EXTL3: variants seen among roughly 807,000 people sequenced by gnomAD.
EXTL3 encodes exostosin-like 3.
In EXTL3, 27 loss-of-function variants were observed where a neutral mutation model predicts 69.3. That is an observed-to-expected ratio of 0.39 (90% CI 0.29 to 0.54). EXTL3 has a LOEUF of 0.54. EXTL3 is among the 20% of genes least tolerant of loss of function. The probability of loss-of-function intolerance (pLI) is 0.69; values close to 1 mark genes in which losing one functional copy is unlikely to be tolerated. For missense variants in EXTL3, 1,003 were observed against 1,231.8 expected (o/e 0.81, Z 2.78); for synonymous variants, 511 against 499.4 (o/e 1.02, Z -0.31).
chr8:28,702,796 T>C (rs1259529200), intron 1 of EXTL3, among the ~76,000 whole-genome samples: 1 of 152,192 alleles, frequency 6.6e-6, no homozygotes, highest in Non-Finnish European at 1.5e-5. Flanking sequence ...GCTTCATTTT[T>C]ACTGGCAGAG....
chr8:28,689,385 T>A (rs1455445368), intron 1 of EXTL3, among the ~76,000 whole-genome samples: 1 of 152,192 alleles, frequency 6.6e-6, no homozygotes, highest in Non-Finnish European at 1.5e-5. Flanking sequence ...CCCCATCTCT[T>A]CTTATCCACC....
intron 3 of EXTL3, among the ~76,000 whole-genome samples, chr8:28,728,559 G>C (rs1801462194): frequency 6.6e-6 from 1 of 152,182 alleles, no homozygotes; most frequent in African/African-American, 2.4e-5. Context: ...AGTTGGGCAG[G>C]ACCTCCTCTG....
rs1225235103 is a variant in EXTL3, at chr8:28,623,214, C to A, written c.-53+404C>A. Among the ~76,000 whole-genome samples the A allele has an allele frequency of 1.3e-5, 2 of 152,120 alleles. No individual in the cohort carries two copies. Among genetic ancestry groups the A allele is most frequent in the Non-Finnish European group, 2.9e-5 (2 of 68,022 alleles). Reference sequence around the variant, plus strand: ...CCTGCTGCCTCGGGTACGGGGTAAGCGGCATCTGCCACGCGCCCGCCTCGC... The same window carrying A: ...CCTGCTGCCTCGGGTACGGGGTAAGAGGCATCTGCCACGCGCCCGCCTCGC... On this transcript the variant is annotated intron_variant, in intron 1 of 6. Coordinates refer to the EXTL3 transcript ENST00000523149. This position sits in a 1 kb window ranked among gnomAD's most constrained non-coding sequence, Gnocchi z 4.2.
At chr8:28,727,122 G>A (rs924964933) in intron 3 of EXTL3, among the ~76,000 whole-genome samples, 1 of 151,990 alleles carries the variant, frequency 6.6e-6, no homozygotes, top group Non-Finnish European at 1.5e-5. Context: ...CTGACCTCAG[G>A]TGATCCACCC....
At chr8:28,665,695 ACTGTGC>A (rs1807186653) in intron 1 of EXTL3, among the ~76,000 whole-genome samples, 1 of 152,154 alleles carries the variant, frequency 6.6e-6, no homozygotes, top group Admixed American at 6.5e-5. Flanking sequence ...GGCATGAGCC[ACTGTGC>A]CTGTCCTACT....
At chr8:28,714,619 T>C (rs917732927) in intron 2 of EXTL3, among the ~76,000 whole-genome samples, 2 of 152,204 alleles carry the variant, frequency 1.3e-5, no homozygotes. Context: ...TTTGGAAGAA[T>C]TAAAAAAAGA....
chr8:28,701,981 C>G (rs1168368683), intron 1 of EXTL3, among the ~76,000 whole-genome samples: 1 of 152,016 alleles, frequency 6.6e-6, no homozygotes, highest in African/African-American at 2.4e-5. Flanking sequence ...CTGCTCGGGA[C>G]CCGCCTCCAC....
At chr8:28,737,881 T>C (rs558249314) in intron 5 of EXTL3, among the ~76,000 whole-genome samples, 20 of 152,334 alleles carry the variant, frequency 1.3e-4, no homozygotes, top group African/African-American at 4.8e-4. Context: ...CAGTTGCACA[T>C]AGGCCATTTG....
chr8:28,647,198 G>T (rs901145793), intron 1 of EXTL3, among the ~76,000 whole-genome samples: 2 of 150,994 alleles, frequency 1.3e-5, no homozygotes. Flanking sequence ...TCCTCTTCCT[G>T]GGTTCAAGCC....
intron 1 of EXTL3, among the ~76,000 whole-genome samples, chr8:28,681,650 G>T (rs1807492092): frequency 1.3e-5 from 2 of 152,132 alleles, no homozygotes; most frequent in Admixed American, 1.3e-4. Flanking sequence ...ATTTCCTTTG[G>T]GTAAATACTA....
At chr8:28,712,313 G>A (rs1236394425) in intron 1 of EXTL3, among the ~76,000 whole-genome samples, 4 of 152,122 alleles carry the variant, frequency 2.6e-5, no homozygotes, top group African/African-American at 9.7e-5. Context: ...TAACTGAGAT[G>A]GGTCTGGGGA....
At chr8:28,644,565 G>C (rs375339848) in intron 1 of EXTL3, among the ~76,000 whole-genome samples, 85 of 152,242 alleles carry the variant, frequency 5.6e-4, no homozygotes, top group African/African-American at 1.9e-3. Context: ...CAGGCACAGT[G>C]GTTCACGCCT....
intron 1 of EXTL3, among the ~76,000 whole-genome samples, chr8:28,711,403 A>T (rs911324766): frequency 6.6e-6 from 1 of 152,078 alleles, no homozygotes; most frequent in South Asian, 2.1e-4. Flanking sequence ...CTTTTCTTCA[A>T]TGCAAGAATT....
At chr8:28,611,931 C>T (rs548902235) in intron 2 of EXTL3, among the ~76,000 whole-genome samples, 1 of 152,284 alleles carries the variant, frequency 6.6e-6, no homozygotes, top group African/African-American at 2.4e-5. Flanking sequence ...GCAAGAGGAT[C>T]GTCATTTCCT....
chr8:28,655,444 G>C (rs1806992559), intron 1 of EXTL3, among the ~76,000 whole-genome samples: 4 of 150,430 alleles, frequency 2.7e-5, no homozygotes, highest in African/African-American at 9.8e-5. Context: ...ATGCTCTTGT[G>C]ATTTTCCTAG....
At chr8:28,683,954 A>G (rs1585249710) in intron 1 of EXTL3, among the ~76,000 whole-genome samples, 1 of 151,454 alleles carries the variant, frequency 6.6e-6, no homozygotes, top group East Asian at 1.9e-4. Flanking sequence ...TCAGGTAACC[A>G]TTGTTGTTCT....
chr8:28,751,704 G>A lies in EXTL3; in HGVS notation c.*838G>A, dbSNP rs1192433991. The A allele has an allele frequency of 1.3e-5, 2 of 151,948 alleles. No homozygotes were observed. Among genetic ancestry groups the A allele is most frequent in the Non-Finnish European group, 2.9e-5 (2 of 68,054 alleles). 9.4% of individuals were successfully genotyped at this position (151,948 alleles called of 1,614,324 possible). ...TTCTCTCTTGTTTGAGAGAGAATGA[G>A]GAAGCAAAGAGTGAGAAAGAATAGG... On this transcript the variant is annotated 3_prime_UTR_variant, in exon 7 of 7. Coordinates refer to ENST00000220562, the MANE Select transcript of EXTL3 (RefSeq NM_001440.4).
intron 1 of EXTL3, among the ~76,000 whole-genome samples, chr8:28,668,865 C>CTTTTTTTTTTTTTTTTTT (rs999113088): frequency 3.2e-5 from 3 of 94,474 alleles, no homozygotes; most frequent in African/African-American, 4.6e-5. Flanking sequence ...GATAGAATCT[C>CTTTTTTTTTTTTTTTTTT]TTTTTTTTTT....
chr8:28,658,645 A>G (rs1056157310), intron 1 of EXTL3, among the ~76,000 whole-genome samples: 1 of 152,040 alleles, frequency 6.6e-6, no homozygotes, highest in Non-Finnish European at 1.5e-5. Context: ...CAGTGGCACA[A>G]TCTCAGCTCA....
Sources: gnomAD v4.1 joint callset for allele counts (sites outside exome capture counted in the v4.1 genomes callset) on GRCh38, gnomAD v4.1.1 for gene constraint, Gnocchi (gnomAD v3.1) non-coding constraint, MANE v1.5 for transcripts, NCBI Gene and HGNC (gene_info 2026-07-23, HGNC 2026-07-21) for gene names.